The following CENPE variants were observed in gnomAD, a reference collection of about 807,000 sequenced individuals.
The protein encoded by CENPE is centromere-associated protein E.
Under a neutral mutation model 336.1 loss-of-function variants are expected in CENPE, and 145 were observed. The observed-to-expected ratio is 0.43, with a 90% confidence interval of 0.38 to 0.50. CENPE has a LOEUF of 0.50. CENPE is among the 20% of genes least tolerant of loss of function. CENPE has a pLI of 0.00. For missense variants in CENPE, 2,719 were observed against 3,023.3 expected, an observed-to-expected ratio of 0.90 and a Z score of 2.36; for synonymous variants, 1,013 against 984.8, an observed-to-expected ratio of 1.03 and a Z score of -0.54.
At chr4:103,166,090 G>C (rs1411203626) in intron 16 of CENPE, among the ~76,000 whole-genome samples, 2 of 151,986 alleles carry the variant, frequency 1.3e-5, no homozygotes, top group Non-Finnish European at 2.9e-5. Flanking sequence ...AAAAATATTA[G>C]AGAAATTATT....
rs772623230 is a variant in CENPE at position 103,158,280 on chromosome 4, T to G, written c.3033+20A>C. The G allele has an allele frequency of 4.4e-5, 70 of 1,574,896 alleles. No homozygotes were observed. The South Asian group carries it at 7.7e-4, about 17-fold the overall frequency. ...TATATATACAAGCATATGAAAACTC[T>G]GAAAATAAACACCCTTTACCTTTTG... On this transcript the variant is annotated intron_variant, in intron 24 of 48. Transcript: ENST00000265148.
chr4:103,180,221 G>A, intron 13 of CENPE, 90 bp downstream of exon 13: 1 of 1,168,730 alleles, frequency 8.6e-7, no homozygotes. Flanking sequence ...TGTATCAAAG[G>A]ATAGAAAGTG....
rs558559263 is a variant in CENPE at position 103,109,009 on chromosome 4, C to G, written c.7805G>C (p.Cys2602Ser). The change falls in exon 48 of 49, where the codon TGT (cysteine) becomes TCT (serine). Residue 2602 changes from cysteine (C) to serine (S), a missense_variant. By Grantham distance (112) the Cys-to-Ser change is moderately radical. Around this residue, in one of 5 missense-constraint regions of CENPE, gnomAD observed 2,437 missense variants for 2,513.3 expected, o/e 0.97. Coordinates refer to ENST00000265148, the MANE Select transcript of CENPE (RefSeq NM_001813.3). The part of the protein sequence containing the change: ...LKREAHKQVT[C>S]ENSPKSPKVT... ...TTTAGGAGACTTTGGAGAATTCTCACAAGTTACTTGTTTGTGAGCCTCTCT... is the reference window on the plus strand; with the variant it reads ...TTTAGGAGACTTTGGAGAATTCTCAGAAGTTACTTGTTTGTGAGCCTCTCT... 6.2e-7 allele frequency: 1 copy of G among 1,613,720 alleles called. No homozygotes were observed. Among genetic ancestry groups the G allele is most frequent in the African/African-American group, 1.3e-5 (1 of 75,008 alleles).
rs3816641 is a variant in CENPE, at chr4:103,196,147, T to A, written c.238+16A>T. 6.2e-7 allele frequency: 1 copy of A among 1,605,694 alleles called. No homozygotes were observed. The stretch of plus-strand genomic sequence containing the variant: ...CCAAGACTAAAATGTTTCTGCAGCA[T>A]TGAGTGAATACAAACCATTGTAGCC... On this transcript the variant is annotated intron_variant, in intron 3 of 48. Coordinates refer to ENST00000265148, the MANE Select transcript of CENPE (RefSeq NM_001813.3).
rs965524497 is a variant in CENPE, at chr4:103,152,982, T to C, written c.3237+65A>G. 11 of 1,188,300 alleles carry C rather than the reference T, an allele frequency of 9.3e-6. No individual in the cohort carries two copies. The African/African-American group carries it at 1.5e-4, about 17-fold the overall frequency. 73.6% of individuals were successfully genotyped at this position (1,188,300 alleles called of 1,614,324 possible). Reference sequence around the variant, plus strand: ...GTATATAAATTATACCTCAATAAAGTTGATAAAAATCTGAAACAAATGAAG... The same window carrying C: ...GTATATAAATTATACCTCAATAAAGCTGATAAAAATCTGAAACAAATGAAG... On this transcript the variant is annotated intron_variant, in intron 25 of 48. Coordinates refer to ENST00000265148, the MANE Select transcript of CENPE (RefSeq NM_001813.3).
chr4:103,172,957 G>C (rs183635048), intron 16 of CENPE, among the ~76,000 whole-genome samples: 4 of 151,862 alleles, frequency 2.6e-5, no homozygotes, highest in African/African-American at 9.7e-5. Context: ...GATGTAATGC[G>C]ATATCTATCA....
rs149433643 is a variant in CENPE, at chr4:103,165,749, C to T, written c.1648-2196G>A. 4.3e-4 allele frequency among the ~76,000 whole-genome samples: 65 copies of T among 151,846 alleles called. 1 individual carries two copies. In the Middle Eastern group the frequency reaches 0.027, roughly 64 times the overall value. On this transcript the variant is annotated intron_variant, in intron 16 of 48. Coordinates refer to ENST00000265148, the MANE Select transcript of CENPE (RefSeq NM_001813.3). ...CTGTAATCCTAGCACTTTGGGAGGC[C>T]GAGGCGAGCAGATCACTTGAGCCCA...
chr4:103,155,815 T>C (rs1438018453), intron 24 of CENPE, among the ~76,000 whole-genome samples: 1 of 152,176 alleles, frequency 6.6e-6, no homozygotes, highest in African/African-American at 2.4e-5. Context: ...AGAAGTAATA[T>C]ATAAATGTAC....
chr4:103,120,468 C>T (rs966588144), intron 43 of CENPE, 135 bp from the exon 44 acceptor site: 1 of 653,568 alleles, frequency 1.5e-6, no homozygotes, highest in Non-Finnish European at 2.5e-6. Context: ...AGAAGAGAGG[C>T]CAAACATCAT....
intron 14 of CENPE, among the ~76,000 whole-genome samples, 200 bp from the exon 15 acceptor site, chr4:103,176,248 T>C (rs1247855517): frequency 6.6e-6 from 1 of 152,156 alleles, no homozygotes; most frequent in Non-Finnish European, 1.5e-5. Context: ...TGATCACTGG[T>C]TGGAATTAGT....
chr4:103,116,983 T>C (rs1323456672), intron 44 of CENPE, among the ~76,000 whole-genome samples: 1 of 152,004 alleles, frequency 6.6e-6, no homozygotes, highest in African/African-American at 2.4e-5. Flanking sequence ...TGAAAATACC[T>C]ACAAAATGAA....
At chr4:103,150,924 A>G (rs552194364) in intron 26 of CENPE, among the ~76,000 whole-genome samples, 2 of 152,228 alleles carry the variant, frequency 1.3e-5, no homozygotes, top group Non-Finnish European at 2.9e-5. Context: ...AGTGCCCAAA[A>G]CAGTGCGTGG....
At chr4:103,114,858 A>T (rs1177023901) in intron 45 of CENPE, among the ~76,000 whole-genome samples, 1 of 152,174 alleles carries the variant, frequency 6.6e-6, no homozygotes, top group African/African-American at 2.4e-5. Context: ...TTACCTAATT[A>T]TTTTTTACCA....
chr4:103,181,449 C>A lies in CENPE; in HGVS notation c.971G>T (p.Ser324Ile). ...DETLTALQFA[S>I]TAKYMKNTPY... is the part of the protein sequence containing the mutation. ...AGTATTCTTCATATATTTAGCAGTA[C>A]TGGCAAACTGGAAAAAAAATACGAA... Residue 324 changes from serine to isoleucine, a missense_variant, in exon 12 of 49, where the codon AGT becomes ATT. Coordinates refer to ENST00000265148, the MANE Select transcript of CENPE (RefSeq NM_001813.3). 6.4e-7 allele frequency: 1 copy of A among 1,556,202 alleles called. No homozygotes were observed.
intron 44 of CENPE, among the ~76,000 whole-genome samples, chr4:103,117,393 C>T (rs929749808): frequency 6.6e-6 from 1 of 152,006 alleles, no homozygotes; most frequent in Non-Finnish European, 1.5e-5. Context: ...TGGCACATGT[C>T]CATCATTACA....
rs913987935 is a variant in CENPE, at chr4:103,161,528, G to A, written c.1843-71C>T. The A allele has an allele frequency of 2.2e-6, 3 of 1,338,646 alleles. No homozygotes were observed. In the African/African-American group the frequency reaches 4.5e-5, roughly 20 times the overall value. The allele number at this position is 1,338,646 out of a possible 1,614,324, so 82.9% of individuals were successfully genotyped here. On this transcript the variant is annotated intron_variant, in intron 18 of 48. Coordinates refer to ENST00000265148, the MANE Select transcript of CENPE (RefSeq NM_001813.3). ...AGTTGGAAAATTCTTAAGAGAACAT[G>A]TATATAAATGTTAACTCTAGCTAAT...
chr4:103,152,472 A>C (rs892890271), intron 25 of CENPE, among the ~76,000 whole-genome samples: 2 of 152,238 alleles, frequency 1.3e-5, no homozygotes, highest in Non-Finnish European at 2.9e-5. Flanking sequence ...GCAAATTCTC[A>C]TCAAGTTAAA....
At chr4:103,141,636 AT>A in intron 35 of CENPE, 113 bp downstream of exon 35, 1 of 676,112 alleles carries the variant, frequency 1.5e-6, no homozygotes. Flanking sequence ...TACATCCAGC[AT>A]TAGTAAATAC....
chr4:103,168,945 T>C (rs1755156969), intron 16 of CENPE, among the ~76,000 whole-genome samples: 1 of 152,206 alleles, frequency 6.6e-6, no homozygotes, highest in Non-Finnish European at 1.5e-5. Context: ...GGAAACATGA[T>C]GTCACCAAAA....
Sources: gnomAD v4.1 joint callset for allele counts (sites outside exome capture counted in the v4.1 genomes callset) on GRCh38, gnomAD v4.1.1 for gene constraint, gnomAD v4.1.1 regional missense constraint, MANE v1.5 for transcripts, NCBI Gene and HGNC (gene_info 2026-07-23, HGNC 2026-07-21) for gene names.